PDE11A: variants seen among roughly 807,000 people sequenced by gnomAD.
PDE11A encodes dual 3',5'-cyclic-AMP and -GMP phosphodiesterase 11A.
PDE11A carries 100 observed loss-of-function variants against 100.5 expected under a neutral mutation model. The ratio of observed to expected loss-of-function variants is 1.00; its 90% CI spans 0.85 to 1.18. The LOEUF (loss-of-function observed/expected upper bound fraction) is 1.18. Among genes scored for constraint, PDE11A ranks in the 50% most tolerant of loss-of-function variants. The pLI, the probability that PDE11A is intolerant of heterozygous loss-of-function variation, is 0.00. For missense variants in PDE11A, 1,141 were observed against 1,152.6 expected (o/e 0.99, Z 0.15); for synonymous variants, 381 against 420.8 (o/e 0.91, Z 1.16).
upstream of PDE11A, among the ~76,000 whole-genome samples, chr2:178,075,273 C>T (rs2087193262): frequency 2.0e-5 from 3 of 152,092 alleles, no homozygotes; most frequent in Admixed American, 1.3e-4. Context: ...CATCAACAGG[C>T]CAAGCATGGT....
chr2:177,669,545 T>A lies in PDE11A; in HGVS notation c.2510A>T (p.Glu837Val). ...SRQVAELVTS[E>V]FFEQGDRERL... is the part of the protein sequence containing the mutation. Reference sequence around the variant, plus strand: ...CTCCCGATCTCCTTGTTCGAAGAACTCACTGGTTACAAGTTCTGCCACCTG... The same window carrying A: ...CTCCCGATCTCCTTGTTCGAAGAACACACTGGTTACAAGTTCTGCCACCTG... The change falls in exon 18 of 20, where the codon GAG becomes GTG. Residue 837 changes from glutamate (E) to valine (V), a missense_variant. Glu to Val is a moderately radical substitution (Grantham distance 121). Coordinates refer to ENST00000286063, the MANE Select transcript of PDE11A (RefSeq NM_016953.4). 6.8e-7 allele frequency: 1 copy of A among 1,475,968 alleles called. No individual in the cohort carries two copies. The highest frequency in any genetic ancestry group is 9.5e-7 in the Non-Finnish European group (1 of 1,054,206). The allele number at this position is 1,475,968 out of a possible 1,614,324, so 91.4% of individuals were successfully genotyped here. A position where few individuals can be genotyped will look rare whatever the true frequency, so the allele number is the denominator to read the frequency against.
At chr2:177,804,732 G>A (rs2082844777) in intron 9 of PDE11A, among the ~76,000 whole-genome samples, 1 of 151,534 alleles carries the variant, frequency 6.6e-6, no homozygotes, top group Non-Finnish European at 1.5e-5. Flanking sequence ...TCCACATAAT[G>A]GAATACTATT....
intron 19 of PDE11A, among the ~76,000 whole-genome samples, chr2:177,662,624 T>C (rs1471184172): frequency 1.3e-5 from 2 of 152,188 alleles, no homozygotes; most frequent in Admixed American, 1.3e-4. Flanking sequence ...AAATAAAGTA[T>C]ACATCATTTT....
intron 1 of PDE11A, among the ~76,000 whole-genome samples, chr2:178,024,071 G>C (rs2086446653): frequency 6.6e-6 from 1 of 152,086 alleles, no homozygotes; most frequent in Non-Finnish European, 1.5e-5. Context: ...TCTGACTTCT[G>C]GCTGTTTGTC....
At chr2:177,697,215 A>C (rs2081125537) in intron 15 of PDE11A, 117 bp downstream of exon 15, 3 of 701,490 alleles carry the variant, frequency 4.3e-6, no homozygotes, top group Non-Finnish European at 7.9e-6. Flanking sequence ...AAAAAAGTTT[A>C]GCTGGTTTAC....
chr2:177,814,810 T>C (rs1384336330), intron 9 of PDE11A, among the ~76,000 whole-genome samples: 1 of 152,094 alleles, frequency 6.6e-6, no homozygotes, highest in Non-Finnish European at 1.5e-5. Context: ...ATATGAGCAT[T>C]TTCTAGGTAA....
chr2:178,022,333 T>G (rs141900152), intron 1 of PDE11A, among the ~76,000 whole-genome samples: 12 of 152,302 alleles, frequency 7.9e-5, no homozygotes, highest in Admixed American at 6.5e-4. Flanking sequence ...GATGATTCAC[T>G]GAGTGAGGAA....
Position 178,091,779 on chromosome 2 carries a change from T to TA in PDE11A, c.162+12522_162+12523insT, listed in dbSNP as rs1553507801. On this transcript the variant is annotated intron_variant, in intron 2 of 20. Transcript: ENST00000358450. ...GTCTCTTATATTTGCTGTAAGTGGG[T>TA]GGGGGGGCTCTTTCCACATTTATGA... Among the ~76,000 whole-genome samples, 682 of 151,892 alleles carry TA rather than the reference T, an allele frequency of 4.5e-3. 7 individuals carry two copies. The highest frequency in any genetic ancestry group is 0.015 in the African/African-American group (629 of 41,374).
intron 2 of PDE11A, among the ~76,000 whole-genome samples, chr2:177,918,421 C>A (rs1486671628): frequency 6.6e-6 from 1 of 151,748 alleles, no homozygotes; most frequent in African/African-American, 2.4e-5. Flanking sequence ...ACAAAGTAAG[C>A]AGAAAGAATA....
At chr2:177,710,147 AGAG>A (rs1405738380) in intron 13 of PDE11A, among the ~76,000 whole-genome samples, 1 of 152,114 alleles carries the variant, frequency 6.6e-6, no homozygotes, top group African/African-American at 2.4e-5. Context: ...ACAAAGTCCC[AGAG>A]GAGAAGCAAG....
intron 5 of PDE11A, among the ~76,000 whole-genome samples, chr2:177,869,050 T>C (rs1301039016): frequency 1.3e-5 from 2 of 152,240 alleles, no homozygotes; most frequent in Non-Finnish European, 2.9e-5. Context: ...TGTGTGTGTA[T>C]GTGCATGCAT....
intron 1 of PDE11A, among the ~76,000 whole-genome samples, chr2:178,045,213 G>C (rs1455007406): frequency 6.6e-6 from 1 of 152,130 alleles, no homozygotes; most frequent in Non-Finnish European, 1.5e-5. Context: ...GACCTGCATA[G>C]AGCAACTCAA....
In PDE11A at chr2:177,898,092, C is replaced by G. The variant is rs772671095; in HGVS notation, c.1268G>C (p.Cys423Ser). 13 of 1,612,758 alleles carry G rather than the reference C, an allele frequency of 8.1e-6. No homozygotes were observed. The highest frequency in any genetic ancestry group is 1.1e-5 in the Non-Finnish European group (13 of 1,178,806). Reference sequence around the variant, plus strand: ...GATGTCCTCTAGGAGTAAAACAGAACAGCGTTCACATTTCAGCAGAGTTTG... The same window carrying G: ...GATGTCCTCTAGGAGTAAAACAGAAGAGCGTTCACATTTCAGCAGAGTTTG... ...RAQTLLKCER[C>S]SVLLLEDIES... The change falls in exon 4 of 20, where the codon TGT (cysteine) becomes TCT (serine). Residue 423 changes from cysteine (C) to serine (S), a missense_variant. Transcript: ENST00000286063.
intron 4 of PDE11A, among the ~76,000 whole-genome samples, chr2:177,883,785 C>A (rs1269442389): frequency 6.6e-6 from 1 of 152,022 alleles, no homozygotes; most frequent in Non-Finnish European, 1.5e-5. Context: ...CTTTGGAAAG[C>A]AGTTAATACT....
intron 2 of PDE11A, chr2:177,952,963 A>C (rs1185108955): frequency 1.3e-5 from 2 of 152,226 alleles, no homozygotes; most frequent in East Asian, 3.8e-4. Flanking sequence ...ATTAAGCTTC[A>C]CAACTCAACC....
At chr2:177,901,187 C>T (rs745570978) in intron 3 of PDE11A, among the ~76,000 whole-genome samples, 39 of 152,076 alleles carry the variant, frequency 2.6e-4, no homozygotes, top group Admixed American at 4.6e-4. Context: ...TTGCAGACCC[C>T]GTACCTGATG....
upstream of PDE11A, among the ~76,000 whole-genome samples, chr2:178,075,440 T>G (rs1311816410): frequency 1.3e-5 from 2 of 150,034 alleles, no homozygotes; most frequent in African/African-American, 4.9e-5. Context: ...TAATCCCAGC[T>G]ACTCAGGAGG....
chr2:178,013,332 C>T (rs2086294500), intron 2 of PDE11A, among the ~76,000 whole-genome samples: 1 of 152,182 alleles, frequency 6.6e-6, no homozygotes. Flanking sequence ...GAGGTCCTAT[C>T]ATGCTCTATG....
chr2:177,930,764 T>A (rs1360791817), intron 2 of PDE11A, among the ~76,000 whole-genome samples: 1 of 152,188 alleles, frequency 6.6e-6, no homozygotes, highest in Non-Finnish European at 1.5e-5. Context: ...CCCAGGGTTG[T>A]TTTGGGAGCC....
Sources: allele counts gnomAD v4.1 joint callset (sites outside exome capture counted in the v4.1 genomes callset), GRCh38; gene constraint gnomAD v4.1.1; transcripts MANE v1.5; gene names NCBI Gene and HGNC (gene_info 2026-07-23, HGNC 2026-07-21).